Variants in CNOT3 observed in about 807,000 individuals in gnomAD.
CNOT3 encodes the protein CCR4-NOT transcription complex subunit 3, also known as CCR4-associated factor 3.
A neutral mutation model predicts 89.4 loss-of-function variants in CNOT3; 2 were observed. The ratio of observed to expected loss-of-function variants is 0.02; its 90% CI spans 0.01 to 0.07. The LOEUF (loss-of-function observed/expected upper bound fraction) is 0.07, where lower values mean the gene tolerates loss of function less well. Among genes scored for constraint, CNOT3 ranks in the 10% least tolerant of loss-of-function variants. CNOT3 has a pLI of 1.00. For synonymous variants in CNOT3, 486 were observed against 402.0 expected (o/e 1.21, Z -2.50); for missense variants, 664 against 1,010.2 (o/e 0.66, Z 4.65).
rs375211815 is a variant in CNOT3, at chr19:54,145,863, A to G, written c.703+46A>G. ...GTGGCACAGGAAGTGAGGGCCCAGAATGGGCTGTGTGAGCCAGCTAAGCAT... is the reference window on the plus strand; with the variant it reads ...GTGGCACAGGAAGTGAGGGCCCAGAGTGGGCTGTGTGAGCCAGCTAAGCAT... On this transcript the variant is annotated intron_variant, in intron 8 of 17. Coordinates refer to ENST00000221232, the MANE Select transcript of CNOT3 (RefSeq NM_014516.4). The surrounding 1 kb of genome is among the most constrained non-coding windows in gnomAD (Gnocchi z 5.9). 1.2e-6 allele frequency: 2 copies of G among 1,610,906 alleles called. No homozygotes were observed. Among genetic ancestry groups the G allele is most frequent in the East Asian group, 2.2e-5 (1 of 44,818 alleles).
rs764036434 is a variant in CNOT3 at position 54,144,461 on chromosome 19, C to T, written c.483+129C>T. ...TCCTCAGGCGGACAGGGCCAACAGCCGGGATTAGGGATTTGAGAGACAGGA... is the reference window on the plus strand; with the variant it reads ...TCCTCAGGCGGACAGGGCCAACAGCTGGGATTAGGGATTTGAGAGACAGGA... On this transcript the variant is annotated intron_variant, in intron 7 of 17. Transcript: ENST00000221232. The surrounding 1 kb of genome is among the most constrained non-coding windows in gnomAD (Gnocchi z 4.8). The T allele has an allele frequency of 1.6e-3, 1,156 of 700,936 alleles. 4 individuals are homozygous for T. The highest frequency in any genetic ancestry group is 1.6e-3 in the Non-Finnish European group (630 of 394,730). 43.4% of individuals were successfully genotyped at this position (700,936 alleles called of 1,614,324 possible).
At chr19:54,153,623 CG>C in intron 16 of CNOT3, 91 bp from the exon 17 acceptor site, 2 of 951,984 alleles carry the variant, frequency 2.1e-6, no homozygotes, top group Non-Finnish European at 3.5e-6. Flanking sequence ...TGGCGGGGGC[CG>C]GGGTTCAGCC....
At chr19:54,141,849 T>C (rs968918320) in intron 1 of CNOT3, 2 of 152,166 alleles carry the variant, frequency 1.3e-5, no homozygotes, top group Non-Finnish European at 2.9e-5. Context: ...CAATCTCCGC[T>C]GGTATCTCAG....
In CNOT3 at chr19:54,143,643, G is replaced by A; in HGVS notation, c.169-17G>A. On this transcript the variant is annotated splice_polypyrimidine_tract_variant and intron_variant, in intron 4 of 17. Transcript: ENST00000221232. ...CTGGGTCCTGAGGTCTGACTTTCTTGCTTTTCCCATCTGCAGCGGCTGAGG... is the reference window on the plus strand; with the variant it reads ...CTGGGTCCTGAGGTCTGACTTTCTTACTTTTCCCATCTGCAGCGGCTGAGG... 4 of 1,613,648 alleles carry A rather than the reference G, an allele frequency of 2.5e-6. No individual in the cohort carries two copies. The highest frequency in any genetic ancestry group is 3.4e-6 in the Non-Finnish European group (4 of 1,179,728).
At position 54,146,720 on chromosome 19, in the gene CNOT3, CT is replaced by C. The variant is rs1444730847; in HGVS notation, c.894+65del. On this transcript the variant is annotated intron_variant, in intron 10 of 17. Coordinates refer to ENST00000221232, the MANE Select transcript of CNOT3 (RefSeq NM_014516.4). ...CTCCTCTGTTGCTTCCCAAAGGCAT[CT>C]TGAGGCCTGAGCGCCGGCCACTGTG... The C allele has an allele frequency of 5.5e-5, 50 of 905,698 alleles. No homozygotes were observed. In the African/African-American group the frequency reaches 7.3e-4, roughly 13 times the overall value. The allele number at this position is 905,698 out of a possible 1,614,324, so 56.1% of individuals were successfully genotyped here.
chr19:54,141,386 G>A (rs1191143435), intron 1 of CNOT3: 3 of 152,196 alleles, frequency 2.0e-5, no homozygotes, highest in Admixed American at 6.5e-5. Context: ...GGGTCCCTGC[G>A]GTGTTGGGAA....
In CNOT3 at chr19:54,142,996, A is replaced by G. The variant is rs1176175219; in HGVS notation, c.18A>G (p.Lys6=). MADKR[K]LQGEIDRCLK... ...CAGGGAAGATGGCGGACAAGCGCAAACTCCAAGGTACTAGACTGACTTCCT... is the reference window on the plus strand; with the variant it reads ...CAGGGAAGATGGCGGACAAGCGCAAGCTCCAAGGTACTAGACTGACTTCCT... Residue 6 remains lysine (K), a synonymous_variant, in exon 2 of 18, where the codon AAA becomes AAG. Coordinates refer to ENST00000221232, the MANE Select transcript of CNOT3 (RefSeq NM_014516.4). The G allele has an allele frequency of 6.2e-7, 1 of 1,613,976 alleles. No individual in the cohort carries two copies. Among genetic ancestry groups the G allele is most frequent in the South Asian group, 1.1e-5 (1 of 91,074 alleles).
In CNOT3 at chr19:54,152,459, G is replaced by A. The variant is rs768676574; in HGVS notation, c.1737G>A (p.Pro579=). ...DIILSSTSAP[P]ASAQPPLQLS... is the part of the protein sequence containing the mutation. ...TCCTGAGCAGTACATCAGCACCTCC[G>A]GCCTCAGCCCAGCCGCCCCTGCAGC... The change falls in exon 15 of 18, where the codon CCG becomes CCA. Residue 579 remains proline, a synonymous_variant. Coordinates refer to ENST00000221232, the MANE Select transcript of CNOT3 (RefSeq NM_014516.4). The A allele has an allele frequency of 1.9e-5, 30 of 1,614,024 alleles. No individual in the cohort carries two copies. The highest frequency in any genetic ancestry group is 4.5e-5 in the East Asian group (2 of 44,898).
At chr19:54,139,405 C>T (rs1428236408) in intron 1 of CNOT3, among the ~76,000 whole-genome samples, 4 of 152,156 alleles carry the variant, frequency 2.6e-5, no homozygotes, top group Non-Finnish European at 4.4e-5. Context: ...AGGGTTTCGC[C>T]TTCTGGCCCC....
chr19:54,153,196 A>G, intron 16 of CNOT3, 197 bp downstream of exon 16: 1 of 765,486 alleles, frequency 1.3e-6, no homozygotes, highest in Non-Finnish European at 2.4e-6. Context: ...AGATGTTAGA[A>G]CTGCTTGGGT....
rs2074622856 is a variant in CNOT3, at chr19:54,145,418, AG to A, written c.484-179del. The A allele has an allele frequency of 1.7e-6, 1 of 604,082 alleles. No homozygotes were observed. The highest frequency in any genetic ancestry group is 1.9e-5 in the African/African-American group (1 of 53,922). The allele number at this position is 604,082 out of a possible 1,614,324, so 37.4% of individuals were successfully genotyped here. On this transcript the variant is annotated intron_variant, in intron 7 of 17. Coordinates refer to ENST00000221232, the MANE Select transcript of CNOT3 (RefSeq NM_014516.4). The surrounding 1 kb of genome is among the most constrained non-coding windows in gnomAD (Gnocchi z 5.9). The stretch of plus-strand genomic sequence containing the variant: ...GTGGGATCCCAAGATGTCAAGGCTA[AG>A]ATTGGTCCCCACAGGGCTCAGAGGG...
At chr19:54,150,644 T>TGTGCGCGCCCAGGCTGTCCAGGC (rs2075036959) in intron 13 of CNOT3, among the ~76,000 whole-genome samples, 1 of 84,444 alleles carries the variant, frequency 1.2e-5, no homozygotes, top group African/African-American at 3.5e-5. Context: ...GCTGTCCAGG[T>TGTGCGCGCCCAGGCTGTCCAGGC]CCAAGTCTTG....
chr19:54,154,077 A>G (rs2075291783), intron 17 of CNOT3: 1 of 706,844 alleles, frequency 1.4e-6, no homozygotes, highest in South Asian at 1.5e-5. Flanking sequence ...TCCCTTCCTC[A>G]AAGAAACCTT....
Position 54,145,606 on chromosome 19 carries a change from C to A in CNOT3, c.492C>A (p.Asp164Glu). Residue 164 changes from aspartate (D) to glutamate (E), a missense_variant, in exon 8 of 18, where the codon GAC becomes GAA. This residue lies in a region of CNOT3 where 37 missense variants were observed against 79.5 expected (regional missense o/e 0.47). Transcript: ENST00000221232. The surrounding 1 kb of genome is among the most constrained non-coding windows in gnomAD (Gnocchi z 5.9). ...RKKKGDKDKQ[D>E]RIEGLKRHIE... ...CCTGGGCTCGCCAGCAGAAGCAGGA[C>A]CGGATTGAGGGCTTGAAGCGGCACA... 6.2e-7 allele frequency: 1 copy of A among 1,613,340 alleles called. No individual in the cohort carries two copies. Among genetic ancestry groups the A allele is most frequent in the South Asian group, 1.1e-5 (1 of 91,060 alleles).
intron 13 of CNOT3, 97 bp downstream of exon 13, chr19:54,149,855 T>A: frequency 1.7e-6 from 2 of 1,179,792 alleles, no homozygotes; most frequent in Non-Finnish European, 2.2e-6. Context: ...ACCCTCTTTC[T>A]GGATCTCTCT....
rs746124538 is a variant in CNOT3, at chr19:54,152,363, AGAG to A, written c.1705+43_1705+45del. 44 of 1,613,946 alleles carry A rather than the reference AGAG, an allele frequency of 2.7e-5. No individual in the cohort carries two copies. In the South Asian group the frequency reaches 3.8e-4, roughly 14 times the overall value. On this transcript the variant is annotated intron_variant, in intron 14 of 17. Coordinates refer to ENST00000221232, the MANE Select transcript of CNOT3 (RefSeq NM_014516.4). The stretch of plus-strand genomic sequence containing the variant: ...GGATGGTGGGGAAGCAGCGGGCCAA[AGAG>A]GAGGGGCTGCCCCTGACCCATCCTC...
At chr19:54,152,747 T>C in intron 15 of CNOT3, 120 bp from the exon 16 acceptor site, 1 of 951,310 alleles carries the variant, frequency 1.1e-6, no homozygotes, top group South Asian at 1.4e-5. Context: ...CCACTGAAGG[T>C]CAGCACCGCC....
At chr19:54,155,235 C>T (rs1445825449) in intron 17 of CNOT3, 74 bp from the exon 18 acceptor site, 15 of 1,577,574 alleles carry the variant, frequency 9.5e-6, no homozygotes, top group Non-Finnish European at 1.3e-5. Flanking sequence ...GAATTGTCCC[C>T]TTTGTCTGTT....
At position 54,143,190 on chromosome 19, in the gene CNOT3, C is replaced by T; in HGVS notation, c.93+4C>T. Reference sequence around the variant, plus strand: ...GTTTGAAGATATTTGGCAGAAGGTACAGGGGCTGAGACCCTAATAATCTGG... The same window carrying T: ...GTTTGAAGATATTTGGCAGAAGGTATAGGGGCTGAGACCCTAATAATCTGG... On this transcript the variant is annotated splice_donor_region_variant and intron_variant, in intron 3 of 17. Transcript: ENST00000221232. The T allele has an allele frequency of 1.9e-6, 3 of 1,612,634 alleles. No individual in the cohort carries two copies. Among genetic ancestry groups the T allele is most frequent in the Non-Finnish European group, 2.5e-6 (3 of 1,178,882 alleles).
Sources: gnomAD v4.1 joint callset for allele counts (sites outside exome capture counted in the v4.1 genomes callset) on GRCh38, gnomAD v4.1.1 for gene constraint, gnomAD v4.1.1 regional missense constraint, Gnocchi (gnomAD v3.1) non-coding constraint, MANE v1.5 for transcripts, NCBI Gene and HGNC (gene_info 2026-07-23, HGNC 2026-07-21) for gene names.